The following HYDIN variants were observed in gnomAD, a reference collection of about 807,000 sequenced individuals.
The protein encoded by HYDIN is HYDIN axonemal central pair apparatus protein, also known as axonemal central pair apparatus protein HYDIN.
HYDIN carries 132 observed loss-of-function variants against 403.9 expected under a neutral mutation model. That is an observed-to-expected ratio of 0.33 (90% CI 0.28 to 0.38). The LOEUF (loss-of-function observed/expected upper bound fraction) is 0.38. Among genes scored for constraint, HYDIN ranks in the 10% least tolerant of loss-of-function variants. The pLI is 1.00. For synonymous variants in HYDIN, 1,202 were observed against 1,891.7 expected (o/e 0.64, Z 9.46); for missense variants, 2,827 against 5,009.5 (o/e 0.56, Z 13.15).
At chr16:70,934,447 A>G (rs2077441882) in intron 45 of HYDIN, among the ~76,000 whole-genome samples, 1 of 152,204 alleles carries the variant, frequency 6.6e-6, no homozygotes, top group South Asian at 2.1e-4. Flanking sequence ...GAAGACATAG[A>G]GCAGTCCTTT....
intron 36 of HYDIN, among the ~76,000 whole-genome samples, chr16:70,967,192 G>A (rs192430177): frequency 2.0e-5 from 3 of 152,194 alleles, no homozygotes; most frequent in Admixed American, 6.5e-5. Context: ...TGTGGATTTG[G>A]GGGGAGCTGC....
At chr16:71,004,547 C>A (rs1240177602) in intron 23 of HYDIN, among the ~76,000 whole-genome samples, 1 of 151,902 alleles carries the variant, frequency 6.6e-6, no homozygotes, top group Non-Finnish European at 1.5e-5. Flanking sequence ...GTTAAACCAA[C>A]CTTGCATTCC....
chr16:71,180,194 A>C (rs1292389147), intron 3 of HYDIN, among the ~76,000 whole-genome samples: 1 of 152,154 alleles, frequency 6.6e-6, no homozygotes, highest in Non-Finnish European at 1.5e-5. Context: ...GGAAATGGGA[A>C]TATTACAATA....
intron 1 of HYDIN, among the ~76,000 whole-genome samples, chr16:71,230,036 A>G (rs903087569): frequency 6.6e-6 from 1 of 152,170 alleles, no homozygotes; most frequent in Non-Finnish European, 1.5e-5. Context: ...GCCTGCCGCC[A>G]TATAAGACAC....
chr16:70,899,388 T>TGA (rs1467221247), intron 53 of HYDIN, among the ~76,000 whole-genome samples: 2 of 149,614 alleles, frequency 1.3e-5, no homozygotes, highest in East Asian at 1.9e-4. Context: ...AGAGGTGTTG[T>TGA]GATGATGACA....
chr16:71,019,570 C>A (rs541535986), intron 22 of HYDIN, among the ~76,000 whole-genome samples: 7 of 152,228 alleles, frequency 4.6e-5, no homozygotes, highest in Non-Finnish European at 1.0e-4. Flanking sequence ...CTGTAGCACT[C>A]GGTATCGCCA....
At chr16:70,825,257 C>A (rs1213482412) in intron 83 of HYDIN, among the ~76,000 whole-genome samples, 6 of 152,092 alleles carry the variant, frequency 3.9e-5, no homozygotes. Flanking sequence ...CCTCTAGAAT[C>A]ATTTAGGACT....
At position 71,225,811 on chromosome 16, in the gene HYDIN, T is replaced by A. The variant is rs555809107; in HGVS notation, c.-24+4751A>T. 2.0e-5 allele frequency among the ~76,000 whole-genome samples: 3 copies of A among 151,774 alleles called. No individual in the cohort carries two copies. In the East Asian group the frequency reaches 5.8e-4, roughly 29 times the overall value. On this transcript the variant is annotated intron_variant, in intron 1 of 85. Transcript: ENST00000393567. ...GGAAACTGAAAATTTTAAAACAGTA[T>A]CATATACAATAGCATCAAAAAACAG...
chr16:71,152,744 C>T lies in HYDIN; in HGVS notation c.756G>A (p.Val252=), dbSNP rs771035480. Residue 252 remains valine, a synonymous_variant, in exon 7 of 86, where the codon GTG becomes GTA. Transcript: ENST00000393567. ...CCACTTCCAGTTGCATGGACTCTCC[C>T]ACATTAAGAGTTCCAATAGCTGGTT... ...SIEPAIGTLN[V]GESMQLEVEF... 1.9e-5 allele frequency: 25 copies of T among 1,349,022 alleles called. No individual in the cohort carries two copies. Among genetic ancestry groups the T allele is most frequent in the Non-Finnish European group, 2.5e-5 (24 of 947,598 alleles). 83.6% of individuals were successfully genotyped at this position (1,349,022 alleles called of 1,614,324 possible).
At chr16:71,141,804 T>C (rs1021415066) in intron 7 of HYDIN, among the ~76,000 whole-genome samples, 7 of 152,168 alleles carry the variant, frequency 4.6e-5, no homozygotes, top group Non-Finnish European at 1.0e-4. Flanking sequence ...GCAATTGCAC[T>C]TGTAGGTATT....
intron 44 of HYDIN, among the ~76,000 whole-genome samples, chr16:70,938,033 G>GTGC (rs2143868132): frequency 6.6e-6 from 1 of 152,356 alleles, no homozygotes; most frequent in Admixed American, 6.5e-5. Context: ...GTGGCTGAGG[G>GTGC]TGCTGGCTTG....
chr16:71,027,147 A>T, intron 20 of HYDIN: 2 of 1,040,918 alleles, frequency 1.9e-6, no homozygotes, highest in Non-Finnish European at 2.3e-6. Context: ...AATGCATAAA[A>T]AGAAGATGTT....
At position 71,186,783 on chromosome 16, in the gene HYDIN, G is replaced by A. The variant is rs1437159512; in HGVS notation, c.113C>T (p.Thr38Ile). The A allele has an allele frequency of 3.1e-6, 5 of 1,612,836 alleles. No homozygotes were observed. The highest frequency in any genetic ancestry group is 1.1e-5 in the South Asian group (1 of 90,886). ...TACCATTCGGTTTACTTCTTCTTCT[G>A]TAACCACCTTTGGACTCAGGGGTGG... ...VLPPLSPKVV[T>I]EEEVNRMLTP... is the part of the protein sequence containing the mutation. The change falls in exon 2 of 86, where the codon ACA becomes ATA. Residue 38 changes from threonine to isoleucine, a missense_variant. By Grantham distance (89) the Thr-to-Ile change is moderately conservative. Coordinates refer to ENST00000393567, the MANE Select transcript of HYDIN (RefSeq NM_001270974.2).
At chr16:71,006,802 C>A (rs1408090574) in intron 23 of HYDIN, among the ~76,000 whole-genome samples, 1 of 152,082 alleles carries the variant, frequency 6.6e-6, no homozygotes. Context: ...CGTCAGTATT[C>A]CCACCAGATT....
rs2143995076 is a variant in HYDIN, at chr16:70,974,630, T to C, written c.4813A>G (p.Ile1605Val). The C allele has an allele frequency of 7.2e-7, 1 of 1,382,852 alleles. No individual in the cohort carries two copies. Among genetic ancestry groups the C allele is most frequent in the Non-Finnish European group, 1.0e-6 (1 of 978,530 alleles). 85.7% of individuals were successfully genotyped at this position (1,382,852 alleles called of 1,614,324 possible). The change falls in exon 32 of 86, where the codon ATC (isoleucine) becomes GTC (valine). Residue 1605 changes from isoleucine to valine, a missense_variant. Physicochemically the swap from Ile to Val is conservative, Grantham distance 29. Coordinates refer to ENST00000393567, the MANE Select transcript of HYDIN (RefSeq NM_001270974.2). ...ATGTGGGTTCGGACTTCGCCAAGGA[T>C]GATGTAGCCAAAGTCCAGGATGTAC... ...PEYILDFGYI[I>V]LGEVRTHIIK... is the part of the protein sequence containing the mutation.
chr16:70,853,925 T>C (rs577678457), intron 73 of HYDIN, among the ~76,000 whole-genome samples: 6 of 145,756 alleles, frequency 4.1e-5, no homozygotes, highest in African/African-American at 1.6e-4. Flanking sequence ...AAAGTCTTGC[T>C]CTGGAGTTCA....
At chr16:71,070,155 AT>A (rs2082415222) in intron 13 of HYDIN, among the ~76,000 whole-genome samples, 1 of 152,126 alleles carries the variant, frequency 6.6e-6, no homozygotes, top group Non-Finnish European at 1.5e-5. Context: ...TTGTCATCGT[AT>A]CCAGCTTTGT....
chr16:71,185,053 T>C, intron 2 of HYDIN, 63 bp from the exon 3 acceptor site: 1 of 1,163,244 alleles, frequency 8.6e-7, no homozygotes, highest in Non-Finnish European at 1.2e-6. Context: ...AGTGTTTTCA[T>C]AAGTACCAGT....
Position 71,161,905 on chromosome 16 carries a change from C to T in HYDIN, c.716+626G>A, listed in dbSNP as rs527987856. On this transcript the variant is annotated intron_variant, in intron 6 of 85. Coordinates refer to ENST00000393567, the MANE Select transcript of HYDIN (RefSeq NM_001270974.2). ...CCGATTATACAGCACTTGATATATA[C>T]CAGCAGTTTCTGTTGATTATCCCAA... 4.0e-5 allele frequency among the ~76,000 whole-genome samples: 6 copies of T among 150,370 alleles called. No individual in the cohort carries two copies. In the East Asian group the frequency reaches 1.2e-3, roughly 29 times the overall value.
Sources: allele counts gnomAD v4.1 joint callset (sites outside exome capture counted in the v4.1 genomes callset), GRCh38; gene constraint gnomAD v4.1.1; transcripts MANE v1.5; gene names NCBI Gene and HGNC (gene_info 2026-07-23, HGNC 2026-07-21).